SFSWAP: variants seen among roughly 807,000 people sequenced by gnomAD.
SFSWAP encodes the protein splicing factor SWAP.
SFSWAP carries 17 observed loss-of-function variants against 100.7 expected under a neutral mutation model. The ratio of observed to expected loss-of-function variants is 0.17; its 90% CI spans 0.12 to 0.25. The LOEUF is 0.25. SFSWAP is among the 10% of genes least tolerant of loss of function. The pLI, the probability that SFSWAP is intolerant of heterozygous loss-of-function variation, is 1.00. For synonymous variants in SFSWAP, 504 were observed against 510.1 expected, an observed-to-expected ratio of 0.99 and a Z score of 0.16; for missense variants, 1,005 against 1,262.6, an observed-to-expected ratio of 0.80 and a Z score of 3.09.
rs146082351 is a variant in SFSWAP, at chr12:131,749,223, C to T, written c.1082-3900C>T. Among the ~76,000 whole-genome samples, 161 of 152,256 alleles carry T rather than the reference C, an allele frequency of 1.1e-3. No individual in the cohort carries two copies. The South Asian group carries it at 0.014, about 13-fold the overall frequency. ...TGGATTCTGTGCATTTTCCACTTCACGGTGTTGTCAGTGTATGGTGGGGTT... is the reference window on the plus strand; with the variant it reads ...TGGATTCTGTGCATTTTCCACTTCATGGTGTTGTCAGTGTATGGTGGGGTT... On this transcript the variant is annotated intron_variant, in intron 7 of 17. Transcript: ENST00000261674.
chr12:131,763,329 T>C (rs1331833129), intron 11 of SFSWAP, among the ~76,000 whole-genome samples: 1 of 152,194 alleles, frequency 6.6e-6, no homozygotes, highest in Non-Finnish European at 1.5e-5. Flanking sequence ...TGGTTTGCGG[T>C]GCACTTAGCA....
chr12:131,775,074 G>A (rs753739997), intron 13 of SFSWAP, among the ~76,000 whole-genome samples: 37 of 152,180 alleles, frequency 2.4e-4, no homozygotes, highest in Non-Finnish European at 4.1e-4. Flanking sequence ...TTTCACAGAC[G>A]TTTGCCAGGG....
chr12:131,746,678 T>G (rs1235913344), intron 7 of SFSWAP, among the ~76,000 whole-genome samples: 1 of 152,230 alleles, frequency 6.6e-6, no homozygotes, highest in Non-Finnish European at 1.5e-5. Context: ...CTTGGATATC[T>G]GAAAATGCCT....
intron 7 of SFSWAP, among the ~76,000 whole-genome samples, chr12:131,746,914 C>G (rs1458705025): frequency 6.6e-6 from 1 of 152,096 alleles, no homozygotes; most frequent in Non-Finnish European, 1.5e-5. Flanking sequence ...ACCATCCTGG[C>G]TAACACGGTG....
intron 9 of SFSWAP, 106 bp from the exon 10 acceptor site, chr12:131,755,280 C>T: frequency 1.3e-6 from 1 of 778,762 alleles, no homozygotes; most frequent in Non-Finnish European, 2.2e-6. Flanking sequence ...CAGTAACCAC[C>T]TTGTGGGATT....
chr12:131,774,778 T>A (rs1425134440), intron 13 of SFSWAP, among the ~76,000 whole-genome samples: 1 of 152,224 alleles, frequency 6.6e-6, no homozygotes, highest in Non-Finnish European at 1.5e-5. Context: ...ATCGTGTTGT[T>A]GGAATAAATA....
intron 11 of SFSWAP, chr12:131,757,316 C>G (rs1424542355): frequency 6.6e-6 from 1 of 152,386 alleles, no homozygotes; most frequent in Non-Finnish European, 1.5e-5. Context: ...TGCGAGCTGC[C>G]CGGCCCCGTG....
intron 5 of SFSWAP, among the ~76,000 whole-genome samples, chr12:131,726,412 G>A (rs534260935): frequency 3.0e-4 from 46 of 152,282 alleles, no homozygotes; most frequent in Non-Finnish European, 1.2e-4. Context: ...GTTTCACCAT[G>A]TTGGCCAGGC....
At chr12:131,756,262 T>C (rs1882148822) in intron 10 of SFSWAP, among the ~76,000 whole-genome samples, 1 of 152,216 alleles carries the variant, frequency 6.6e-6, no homozygotes, top group Non-Finnish European at 1.5e-5. Context: ...TAGTGTTTTT[T>C]CAGACAGGAG....
chr12:131,753,392 G>A (rs1396837197), intron 8 of SFSWAP, 29 bp downstream of exon 8: 1 of 1,594,758 alleles, frequency 6.3e-7, no homozygotes. Context: ...GCTGCCTGCT[G>A]TGTGAGTCAC....
intron 4 of SFSWAP, among the ~76,000 whole-genome samples, chr12:131,724,174 A>G (rs1281712050): frequency 6.6e-6 from 1 of 152,220 alleles, no homozygotes; most frequent in African/African-American, 2.4e-5. Context: ...GAAGTAGTAT[A>G]TAACAAATAG....
intron 4 of SFSWAP, among the ~76,000 whole-genome samples, chr12:131,724,141 A>G (rs181128648): frequency 9.2e-5 from 14 of 152,286 alleles, no homozygotes; most frequent in East Asian, 3.9e-4. Flanking sequence ...TTACTTACAC[A>G]TTGCTTTTTA....
At chr12:131,763,569 G>A (rs185026305) in intron 11 of SFSWAP, among the ~76,000 whole-genome samples, 4 of 152,266 alleles carry the variant, frequency 2.6e-5, no homozygotes, top group Middle Eastern at 3.4e-3. Flanking sequence ...TCTAAGAGGA[G>A]GGATTGCTTC....
chr12:131,760,301 C>A (rs1882545800), intron 11 of SFSWAP, among the ~76,000 whole-genome samples: 1 of 152,064 alleles, frequency 6.6e-6, no homozygotes, highest in African/African-American at 2.4e-5. Context: ...AGGTTAACAT[C>A]CTCACTATAG....
intron 7 of SFSWAP, among the ~76,000 whole-genome samples, chr12:131,732,344 G>A (rs1233263616): frequency 1.3e-5 from 2 of 152,248 alleles, no homozygotes; most frequent in African/African-American, 4.8e-5. Flanking sequence ...AGCCTGTACA[G>A]ATCTCCCGAA....
rs371512489 is a variant in SFSWAP, at chr12:131,764,487, G to A, written c.1752G>A (p.Lys584=). ...ASFAPISFAI[K]AKENDLLPLE... ...TTGCTCCAATAAGCTTTGCAATCAA[G>A]GCCAAAGAAAATGATCTGCTTCCCC... The change falls in exon 12 of 18, where the codon AAG becomes AAA. Residue 584 remains lysine, a synonymous_variant. Coordinates refer to ENST00000261674, the MANE Select transcript of SFSWAP (RefSeq NM_004592.4). 1.2e-6 allele frequency: 2 copies of A among 1,614,090 alleles called. No individual in the cohort carries two copies. Among genetic ancestry groups the A allele is most frequent in the Non-Finnish European group, 1.7e-6 (2 of 1,179,976 alleles).
At chr12:131,796,898 G>A (rs1885716846) in intron 15 of SFSWAP, 1 of 362,774 alleles carries the variant, frequency 2.8e-6, no homozygotes, top group Non-Finnish European at 4.9e-6. Context: ...TGAACTGCCT[G>A]TGGTGGCTTA....
At chr12:131,744,067 C>T (rs988919706) in intron 7 of SFSWAP, among the ~76,000 whole-genome samples, 28 of 152,338 alleles carry the variant, frequency 1.8e-4, no homozygotes, top group African/African-American at 6.3e-4. Context: ...GCCCAGACCA[C>T]GAAACCGTTT....
chr12:131,761,083 A>G (rs1483646759), intron 11 of SFSWAP, among the ~76,000 whole-genome samples: 2 of 152,112 alleles, frequency 1.3e-5, no homozygotes. Context: ...AAGTGAAAAT[A>G]GCAGGTTATG....
Sources: allele counts gnomAD v4.1 joint callset (sites outside exome capture counted in the v4.1 genomes callset), GRCh38; gene constraint gnomAD v4.1.1; transcripts MANE v1.5; gene names NCBI Gene and HGNC (gene_info 2026-07-23, HGNC 2026-07-21).